The following CDH13 variants were observed in gnomAD, a reference collection of about 807,000 sequenced individuals.
CDH13 encodes cadherin-13.
A neutral mutation model predicts 63.8 loss-of-function variants in CDH13; 24 were observed. That is an observed-to-expected ratio of 0.38 (90% CI 0.27 to 0.53). The LOEUF (loss-of-function observed/expected upper bound fraction) is 0.53. Among genes scored for constraint, CDH13 ranks in the 20% least tolerant of loss-of-function variants. The pLI is 0.85. For missense variants in CDH13, 1,049 were observed against 903.1 expected (o/e 1.16, Z -2.07); for synonymous variants, 503 against 355.3 (o/e 1.42, Z -4.67).
At chr16:83,107,791 C>G (rs988462157) in intron 3 of CDH13, among the ~76,000 whole-genome samples, 1 of 147,556 alleles carries the variant, frequency 6.8e-6, no homozygotes, top group African/African-American at 2.5e-5. Context: ...TGTCCCTCCT[C>G]TTTTCTTTTC....
chr16:82,990,415 T>C (rs1911516537), intron 2 of CDH13: 2 of 152,204 alleles, frequency 1.3e-5, no homozygotes, highest in Non-Finnish European at 2.9e-5. Flanking sequence ...ACAGCCCATC[T>C]TGTGATGGGC....
chr16:83,076,145 C>A (rs945391442), intron 3 of CDH13, among the ~76,000 whole-genome samples: 2 of 152,074 alleles, frequency 1.3e-5, no homozygotes, highest in African/African-American at 4.8e-5. Context: ...GACCAAGTGG[C>A]CCATATGGGT....
chr16:82,827,096 G>T (rs774158710), intron 1 of CDH13, among the ~76,000 whole-genome samples: 1 of 152,112 alleles, frequency 6.6e-6, no homozygotes, highest in Non-Finnish European at 1.5e-5. Flanking sequence ...CTTAATTCAG[G>T]CAACACAGCC....
chr16:83,177,921 A>G lies in CDH13; in HGVS notation c.484-39424A>G, dbSNP rs1446503374. The stretch of plus-strand genomic sequence containing the variant: ...GCAAGACTGTTTATCTTGTTCACGG[A>G]TGTATTCCCAGTGCTAAACATATAG... On this transcript the variant is annotated intron_variant, in intron 4 of 13. Transcript: ENST00000567109. Among the ~76,000 whole-genome samples the G allele has an allele frequency of 5.9e-5, 9 of 152,292 alleles. No individual in the cohort carries two copies. In the East Asian group the frequency reaches 1.7e-3, roughly 29 times the overall value.
intron 2 of CDH13, among the ~76,000 whole-genome samples, chr16:82,886,648 T>C (rs535215262): frequency 1.3e-5 from 2 of 152,236 alleles, no homozygotes; most frequent in Admixed American, 1.3e-4. Context: ...TTTTGGAATT[T>C]ACTCTTTTCC....
intron 1 of CDH13, among the ~76,000 whole-genome samples, chr16:82,789,616 G>C (rs1180770515): frequency 6.6e-6 from 1 of 152,176 alleles, no homozygotes; most frequent in Non-Finnish European, 1.5e-5. Flanking sequence ...CATTGGGCAG[G>C]ACACACCTGT....
intron 3 of CDH13, among the ~76,000 whole-genome samples, chr16:83,090,555 C>A (rs2033851837): frequency 8.0e-6 from 1 of 124,318 alleles, no homozygotes; most frequent in Admixed American, 9.3e-5. Context: ...GACTGGGCGA[C>A]AAAGCGAAAC....
intron 6 of CDH13, among the ~76,000 whole-genome samples, chr16:83,434,474 A>G (rs1446165340): frequency 6.6e-6 from 1 of 151,820 alleles, no homozygotes; most frequent in Non-Finnish European, 1.5e-5. Flanking sequence ...TCTTCACCCC[A>G]TCTCATTCCA....
At chr16:83,054,969 G>T (rs1301096471) in intron 3 of CDH13, among the ~76,000 whole-genome samples, 1 of 151,936 alleles carries the variant, frequency 6.6e-6, no homozygotes, top group East Asian at 1.9e-4. Flanking sequence ...AGTTTCAAAA[G>T]ATAGAAATCA....
intron 3 of CDH13, among the ~76,000 whole-genome samples, chr16:83,041,619 G>C (rs1000389503): frequency 6.6e-6 from 1 of 152,038 alleles, no homozygotes; most frequent in Non-Finnish European, 1.5e-5. Flanking sequence ...AGGAAAACCT[G>C]GAGCTAATTG....
intron 6 of CDH13, among the ~76,000 whole-genome samples, chr16:83,376,028 C>T (rs989955272): frequency 6.6e-6 from 1 of 152,172 alleles, no homozygotes; most frequent in South Asian, 2.1e-4. Flanking sequence ...TTAGGGATAG[C>T]AGTATCTAGG....
intron 1 of CDH13, among the ~76,000 whole-genome samples, chr16:82,752,438 C>T (rs1202608318): frequency 2.0e-5 from 3 of 152,200 alleles, no homozygotes; most frequent in Admixed American, 2.0e-4. Context: ...CTCTGCAGTA[C>T]TTCATTTCCT....
chr16:83,377,142 A>G (rs2091474535), intron 6 of CDH13, among the ~76,000 whole-genome samples: 1 of 152,188 alleles, frequency 6.6e-6, no homozygotes. Context: ...TCCCTAACCC[A>G]CAAAATCATA....
chr16:83,470,767 T>C (rs1206639119), intron 6 of CDH13, among the ~76,000 whole-genome samples: 1 of 152,200 alleles, frequency 6.6e-6, no homozygotes, highest in East Asian at 1.9e-4. Flanking sequence ...CCCAATAAAA[T>C]AGACACCGCT....
chr16:83,118,133 C>T (rs750353911), intron 3 of CDH13, among the ~76,000 whole-genome samples: 8 of 152,120 alleles, frequency 5.3e-5, no homozygotes, highest in East Asian at 1.9e-4. Flanking sequence ...AAAGATGCTG[C>T]GGATCACTGT....
At chr16:82,990,583 A>G (rs1451082298) in intron 2 of CDH13, among the ~76,000 whole-genome samples, 2 of 135,224 alleles carry the variant, frequency 1.5e-5, no homozygotes, top group African/African-American at 2.8e-5. Context: ...GTCTCACTTT[A>G]TCATCCAGGC....
intron 1 of CDH13, among the ~76,000 whole-genome samples, chr16:82,662,568 C>T (rs576703496): frequency 1.6e-4 from 24 of 152,282 alleles, no homozygotes; most frequent in Admixed American, 3.3e-4. Context: ...TGGAGTAAAT[C>T]CATCCCCACC....
At chr16:83,444,022 T>C (rs2072585143) in intron 6 of CDH13, among the ~76,000 whole-genome samples, 1 of 150,390 alleles carries the variant, frequency 6.6e-6, no homozygotes, top group Admixed American at 6.6e-5. Flanking sequence ...GTGAAGGTGA[T>C]GGCGATGATC....
chr16:83,372,737 C>T (rs1396947704), intron 6 of CDH13, among the ~76,000 whole-genome samples: 9 of 122,888 alleles, frequency 7.3e-5, no homozygotes, highest in Admixed American at 4.1e-4. Context: ...GGTGACAGAG[C>T]GAGACTCGGT....
Sources: allele counts gnomAD v4.1 joint callset (sites outside exome capture counted in the v4.1 genomes callset), GRCh38; gene constraint gnomAD v4.1.1; transcripts MANE v1.5; gene names NCBI Gene and HGNC (gene_info 2026-07-23, HGNC 2026-07-21).